Variants in TRIO observed in about 807,000 individuals in gnomAD.
TRIO encodes the protein trio Rho guanine nucleotide exchange factor, also known as triple functional domain protein.
In TRIO, 58 loss-of-function variants were observed where a neutral mutation model predicts 351.9. That is an observed-to-expected ratio of 0.16 (90% CI 0.13 to 0.21). The LOEUF (loss-of-function observed/expected upper bound fraction) is 0.21. Among genes scored for constraint, TRIO ranks in the 10% least tolerant of loss-of-function variants. TRIO has a pLI of 1.00. For missense variants in TRIO, 3,201 were observed against 4,027.8 expected, an observed-to-expected ratio of 0.79 and a Z score of 5.56; for synonymous variants, 1,758 against 1,595.7, an observed-to-expected ratio of 1.10 and a Z score of -2.42.
chr5:14,315,509 C>T (rs1292896326), intron 8 of TRIO, among the ~76,000 whole-genome samples: 4 of 152,094 alleles, frequency 2.6e-5, no homozygotes, highest in Non-Finnish European at 5.9e-5. Context: ...CCTCGGCCTC[C>T]CAAAGTGCTG....
chr5:14,317,690 A>G (rs1165029475), intron 9 of TRIO, among the ~76,000 whole-genome samples: 1 of 152,146 alleles, frequency 6.6e-6, no homozygotes. Context: ...GAATCTGGTA[A>G]ATTCAAAAGA....
At chr5:14,273,502 A>C (rs561353278) in intron 2 of TRIO, among the ~76,000 whole-genome samples, 2 of 152,302 alleles carry the variant, frequency 1.3e-5, no homozygotes, top group Non-Finnish European at 2.9e-5. Context: ...TTGATGGATC[A>C]CCTCCAAAAT....
chr5:14,360,223 T>G (rs983896965), intron 13 of TRIO, among the ~76,000 whole-genome samples: 6 of 152,194 alleles, frequency 3.9e-5, no homozygotes, highest in Non-Finnish European at 8.8e-5. Context: ...ATCTTATATG[T>G]GAACAGGAGA....
chr5:14,431,397 T>C (rs900292417), intron 34 of TRIO, among the ~76,000 whole-genome samples: 2 of 152,196 alleles, frequency 1.3e-5, no homozygotes, highest in Non-Finnish European at 2.9e-5. Flanking sequence ...GTGTTTATTA[T>C]TTGAAGGTCC....
chr5:14,332,945 G>A (rs370011194), intron 10 of TRIO, among the ~76,000 whole-genome samples: 7 of 152,226 alleles, frequency 4.6e-5, no homozygotes, highest in African/African-American at 9.6e-5. Flanking sequence ...TTGTGTTTAC[G>A]TTTTGGGACA....
At chr5:14,351,278 T>TG (rs575853613) in intron 11 of TRIO, among the ~76,000 whole-genome samples, 78 of 152,342 alleles carry the variant, frequency 5.1e-4, no homozygotes, top group African/African-American at 1.8e-3. Flanking sequence ...CAGAGGAACA[T>TG]GCTGCACGTG....
intron 1 of TRIO, among the ~76,000 whole-genome samples, chr5:14,150,497 T>C (rs1055566829): frequency 6.6e-6 from 1 of 151,790 alleles, no homozygotes; most frequent in Non-Finnish European, 1.5e-5. Flanking sequence ...AATAATAAAC[T>C]GGGAGAAAAA....
chr5:14,207,207 T>G (rs1791509104), intron 1 of TRIO, among the ~76,000 whole-genome samples: 2 of 150,614 alleles, frequency 1.3e-5, no homozygotes, highest in East Asian at 1.9e-4. Context: ...AGGTGGGAGG[T>G]TGGCTTGAGG....
rs545939810 is a variant in TRIO at position 14,166,135 on chromosome 5, G to T, written c.157+22253G>T. ...GATTTGTGGGGCAGGAATTTAGGGG[G>T]ATGCTCCCGGTGGAGAGTCTGTTGG... On this transcript the variant is annotated intron_variant, in intron 1 of 56. Coordinates refer to ENST00000344204, the MANE Select transcript of TRIO (RefSeq NM_007118.4). 9.2e-5 allele frequency among the ~76,000 whole-genome samples: 14 copies of T among 152,358 alleles called. No individual in the cohort carries two copies. The South Asian group carries it at 2.9e-3, about 32-fold the overall frequency.
At chr5:14,279,977 G>GT (rs1181858175) in intron 2 of TRIO, among the ~76,000 whole-genome samples, 1 of 152,230 alleles carries the variant, frequency 6.6e-6, no homozygotes, top group Non-Finnish European at 1.5e-5. Context: ...GAGAGCAGCT[G>GT]TGAGGGAGGT....
chr5:14,351,085 T>A (rs1405085553), intron 11 of TRIO, among the ~76,000 whole-genome samples: 1 of 152,174 alleles, frequency 6.6e-6, no homozygotes, highest in African/African-American at 2.4e-5. Context: ...CACCTCCCAC[T>A]GTGCAGCCCA....
chr5:14,459,384 A>G (rs1484175386), intron 34 of TRIO, among the ~76,000 whole-genome samples: 1 of 152,254 alleles, frequency 6.6e-6, no homozygotes, highest in Non-Finnish European at 1.5e-5. Flanking sequence ...AGCACAGTGA[A>G]TGATCACCAT....
At chr5:14,317,001 T>C (rs1251111649) in intron 9 of TRIO, among the ~76,000 whole-genome samples, 1 of 152,116 alleles carries the variant, frequency 6.6e-6, no homozygotes, top group Non-Finnish European at 1.5e-5. Context: ...AATCGGATCA[T>C]TCTCATTTAT....
intron 7 of TRIO, among the ~76,000 whole-genome samples, chr5:14,300,427 C>T (rs912493413): frequency 2.6e-5 from 4 of 152,282 alleles, no homozygotes; most frequent in Middle Eastern, 3.4e-3. Context: ...TTCACTGTAT[C>T]GGGAGCAACA....
At chr5:14,348,845 G>T (rs1243321907) in intron 11 of TRIO, among the ~76,000 whole-genome samples, 1 of 42,852 alleles carries the variant, frequency 2.3e-5, no homozygotes, top group Non-Finnish European at 4.4e-5. Context: ...GTGTACGCAC[G>T]TGAGCATGTT....
chr5:14,275,575 CT>C (rs34438851), intron 2 of TRIO, among the ~76,000 whole-genome samples: 3 of 149,378 alleles, frequency 2.0e-5, no homozygotes, highest in African/African-American at 4.9e-5. Context: ...TATAGGAAAA[CT>C]TTTTTTTTTA....
chr5:14,404,284 C>T (rs1454251314), intron 31 of TRIO, among the ~76,000 whole-genome samples: 1 of 152,036 alleles, frequency 6.6e-6, no homozygotes, highest in African/African-American at 2.4e-5. Flanking sequence ...CAGATTGCGA[C>T]TACCCAGATT....
intron 1 of TRIO, among the ~76,000 whole-genome samples, chr5:14,173,349 T>C (rs1789216681): frequency 6.6e-6 from 1 of 151,938 alleles, no homozygotes; most frequent in South Asian, 2.1e-4. Flanking sequence ...TAGCTGGGAC[T>C]GCAGGCATGC....
chr5:14,482,598 A>G lies in TRIO; in HGVS notation c.6482A>G (p.Gln2161Arg). Reference protein sequence around the residue: ...LQGFDGKIVAQGKLLLQDTFL... With the variant: ...LQGFDGKIVARGKLLLQDTFL... ...TTGTTTTAGGGGAAAATCGTTGCCC[A>G]GGGTAAACTGCTCTTGCAGGACACA... Residue 2161 changes from glutamine (Q) to arginine (R), a missense_variant, in exon 46 of 57, where the codon CAG becomes CGG. By Grantham distance (43) the Gln-to-Arg change is conservative (BLOSUM62 1). This residue lies in a region of TRIO where 307 missense variants were observed against 396.5 expected (regional missense o/e 0.77). Coordinates refer to ENST00000344204, the MANE Select transcript of TRIO (RefSeq NM_007118.4). 6.8e-7 allele frequency: 1 copy of G among 1,468,158 alleles called. No individual in the cohort carries two copies. The allele number at this position is 1,468,158 out of a possible 1,614,324, so 90.9% of individuals were successfully genotyped here. A position where few individuals can be genotyped will look rare whatever the true frequency, so the allele number is the denominator to read the frequency against.
Sources: allele counts gnomAD v4.1 joint callset (sites outside exome capture counted in the v4.1 genomes callset), GRCh38; gene constraint gnomAD v4.1.1; regional missense constraint gnomAD v4.1.1; transcripts MANE v1.5; gene names NCBI Gene and HGNC (gene_info 2026-07-23, HGNC 2026-07-21).